The following CEP63 variants were observed in gnomAD, a reference collection of about 807,000 sequenced individuals.
CEP63 encodes the protein centrosomal protein of 63 kDa.
In CEP63, 84 loss-of-function variants were observed where a neutral mutation model predicts 89.1. The ratio of observed to expected loss-of-function variants is 0.94; its 90% CI spans 0.79 to 1.13. The LOEUF is 1.13. Among genes scored for constraint, CEP63 ranks in the 50% most tolerant of loss-of-function variants. The pLI, the probability that CEP63 is intolerant of heterozygous loss-of-function variation, is 0.00. For missense variants in CEP63, 838 were observed against 813.3 expected (o/e 1.03, Z -0.37); for synonymous variants, 267 against 272.5 (o/e 0.98, Z 0.20).
intron 5 of CEP63, among the ~76,000 whole-genome samples, chr3:134,534,760 C>T (rs1188675588): frequency 6.6e-6 from 1 of 152,144 alleles, no homozygotes; most frequent in Admixed American, 6.5e-5. Flanking sequence ...TCAAATGGGT[C>T]CTAATGCTAC....
At chr3:134,752,577 C>T in the CEP63 span, among the ~76,000 whole-genome samples, 7 of 152,092 alleles carry the variant, frequency 4.6e-5, no homozygotes, top group Admixed American at 2.0e-4. Context: ...ACATAGACAG[C>T]ACACTCATTT....
downstream of CEP63, among the ~76,000 whole-genome samples, chr3:134,569,530 CCAGGT>C (rs1178490859): frequency 1.3e-5 from 2 of 152,232 alleles, no homozygotes; most frequent in African/African-American, 4.8e-5. Flanking sequence ...TGTCTCACAT[CCAGGT>C]CACGCTGATG....
the CEP63 span, among the ~76,000 whole-genome samples, chr3:134,623,492 CCTT>C: frequency 1.1e-4 from 16 of 152,102 alleles, no homozygotes; most frequent in Non-Finnish European, 1.9e-4. Flanking sequence ...TCAATGGCCT[CCTT>C]CTCGTATGTC....
At chr3:134,592,408 T>A (rs778592565), downstream of CEP63, among the ~76,000 whole-genome samples, 6 of 151,850 alleles carry the variant, frequency 4.0e-5, no homozygotes, top group Non-Finnish European at 7.4e-5. Flanking sequence ...CTTTTGAATG[T>A]AGGAGCACCA....
the CEP63 span, chr3:134,624,953 C>A: frequency 9.5e-7 from 1 of 1,053,330 alleles, no homozygotes; most frequent in Non-Finnish European, 1.4e-6. Context: ...AACCAAGCCA[C>A]TCAGGATATG....
At chr3:134,649,850 A>G in the CEP63 span, among the ~76,000 whole-genome samples, 1 of 152,208 alleles carries the variant, frequency 6.6e-6, no homozygotes, top group Non-Finnish European at 1.5e-5. Context: ...GGACAGAAGA[A>G]CCAAGGGCAG....
the CEP63 span, among the ~76,000 whole-genome samples, chr3:134,703,224 A>C: frequency 2.6e-5 from 4 of 150,944 alleles, no homozygotes; most frequent in African/African-American, 4.9e-5. Flanking sequence ...TGAACCTGGA[A>C]GGCGAAGCTT....
intron 3 of CEP63, among the ~76,000 whole-genome samples, chr3:134,509,859 A>G (rs2108490012): frequency 6.6e-6 from 1 of 152,354 alleles, no homozygotes; most frequent in East Asian, 1.9e-4. Flanking sequence ...GAGTATATAT[A>G]AATCTAATAT....
chr3:134,736,986 G>T, the CEP63 span, among the ~76,000 whole-genome samples: 91 of 152,260 alleles, frequency 6.0e-4, no homozygotes, highest in African/African-American at 2.0e-3. Context: ...GGAGCAAACA[G>T]CTCAGAAAGA....
the CEP63 span, among the ~76,000 whole-genome samples, chr3:134,662,614 G>A: frequency 1.0e-3 from 155 of 152,292 alleles, no homozygotes; most frequent in African/African-American, 3.6e-3. Context: ...CTCCGAGAAG[G>A]CAGCTATTCA....
At chr3:134,643,353 AG>A in the CEP63 span, 1 of 1,613,844 alleles carries the variant, frequency 6.2e-7, no homozygotes, top group South Asian at 1.1e-5. Context: ...GGGGCTGCTG[AG>A]GGTGCTGCTT....
At chr3:134,503,155 T>C (rs2108305247) in intron 2 of CEP63, among the ~76,000 whole-genome samples, 1 of 146,560 alleles carries the variant, frequency 6.8e-6, no homozygotes, top group East Asian at 2.1e-4. Context: ...CATCTATTGC[T>C]ATAAACACTC....
chr3:134,781,312 C>A, the CEP63 span, among the ~76,000 whole-genome samples: 600 of 152,240 alleles, frequency 3.9e-3, 5 homozygotes, highest in African/African-American at 0.013. Flanking sequence ...CATGAGATTT[C>A]TCACCCATAA....
Position 134,531,888 on chromosome 3 carries a change from A to G in CEP63, c.266A>G (p.Lys89Arg). 1 of 1,613,742 alleles carries G rather than the reference A, an allele frequency of 6.2e-7. No homozygotes were observed. The highest frequency in any genetic ancestry group is 8.5e-7 in the Non-Finnish European group (1 of 1,179,762). The stretch of plus-strand genomic sequence containing the variant: ...CAGGTAGAAGAACATGAAAAAATCA[A>G]GCAAGAGATGACCATGGAATATAAG... ...HQQVEEHEKI[K>R]QEMTMEYKQE... The change falls in exon 4 of 15, where the codon AAG becomes AGG. Residue 89 changes from lysine to arginine, a missense_variant. By Grantham distance (26) the Lys-to-Arg change is conservative. Coordinates refer to ENST00000675561, the MANE Select transcript of CEP63 (RefSeq NM_001353108.3).
At chr3:134,761,519 A>G in the CEP63 span, among the ~76,000 whole-genome samples, 1 of 152,180 alleles carries the variant, frequency 6.6e-6, no homozygotes, top group Non-Finnish European at 1.5e-5. Flanking sequence ...GAGGAAAGAA[A>G]AACTCATTTT....
At chr3:134,651,697 GAA>G in the CEP63 span, 1 of 851,354 alleles carries the variant, frequency 1.2e-6, no homozygotes, top group Non-Finnish European at 1.4e-6. Context: ...GATCTGAAAC[GAA>G]AGTCTTAAAG....
intron 11 of CEP63, among the ~76,000 whole-genome samples, chr3:134,550,611 CAG>C (rs1954598336): frequency 6.6e-6 from 1 of 152,138 alleles, no homozygotes; most frequent in African/African-American, 2.4e-5. Flanking sequence ...CAGGAAAATA[CAG>C]AGGTCTCTAA....
the CEP63 span, among the ~76,000 whole-genome samples, chr3:134,721,835 A>G: frequency 2.0e-5 from 3 of 152,090 alleles, no homozygotes; most frequent in Non-Finnish European, 4.4e-5. Flanking sequence ...TGTGCATAGT[A>G]TATCATTCTT....
intron 3 of CEP63, among the ~76,000 whole-genome samples, chr3:134,518,775 CAAAG>C (rs1946780722): frequency 6.6e-6 from 1 of 150,974 alleles, no homozygotes; most frequent in Non-Finnish European, 1.5e-5. Context: ...AAATTAAAAC[CAAAG>C]AAATGAGAAA....
Sources: allele counts gnomAD v4.1 joint callset (sites outside exome capture counted in the v4.1 genomes callset), GRCh38; gene constraint gnomAD v4.1.1; transcripts MANE v1.5; gene names NCBI Gene and HGNC (gene_info 2026-07-23, HGNC 2026-07-21).